Variants in CRB2 observed in about 807,000 individuals in gnomAD.
CRB2 encodes the protein protein crumbs homolog 2.
CRB2 carries 85 observed loss-of-function variants against 110.9 expected under a neutral mutation model. That is an observed-to-expected ratio of 0.77 (90% CI 0.64 to 0.92). CRB2 has a LOEUF of 0.92. Ranked by LOEUF, CRB2 falls within the 40% of genes least tolerant of loss-of-function variation. The probability of loss-of-function intolerance (pLI) is 0.00; values close to 1 mark genes in which losing one functional copy is unlikely to be tolerated. For missense variants in CRB2, 1,843 were observed against 1,851.3 expected, an observed-to-expected ratio of 1.00 and a Z score of 0.08; for synonymous variants, 907 against 831.0, an observed-to-expected ratio of 1.09 and a Z score of -1.57.
intron 1 of CRB2, among the ~76,000 whole-genome samples, chr9:123,359,497 G>A (rs1184975050): frequency 2.9e-5 from 4 of 137,684 alleles, no homozygotes; most frequent in Non-Finnish European, 6.1e-5. Context: ...TGCCCTGGCT[G>A]CAGTGCAGTG....
downstream of CRB2, among the ~76,000 whole-genome samples, chr9:123,379,453 C>T (rs1308894810): frequency 3.9e-5 from 6 of 152,334 alleles, no homozygotes; most frequent in Admixed American, 6.5e-5. Context: ...AGCCCAACCC[C>T]GTGCCTGGTC....
intron 1 of CRB2, among the ~76,000 whole-genome samples, chr9:123,356,961 A>G (rs1050609296): frequency 2.6e-5 from 4 of 151,982 alleles, no homozygotes; most frequent in Non-Finnish European, 5.9e-5. Flanking sequence ...TGGGATGTGC[A>G]CAGCCGACCC....
In CRB2 at chr9:123,373,914, G is replaced by A. The variant is rs1217996872; in HGVS notation, c.3383G>A (p.Arg1128His). ...CRCPPGFGGP[R>H]CRLPVPSKEC... ...TGCCCGCCTGGCTTCGGGGGCCCGC[G>A]CTGCAGGTGGGATGGCTGGGCAGGG... The change falls in exon 10 of 13, where the codon CGC becomes CAC. Residue 1128 changes from arginine to histidine, a missense_variant. Arg to His is a conservative substitution (Grantham distance 29). Coordinates refer to ENST00000373631, the MANE Select transcript of CRB2 (RefSeq NM_173689.7). 5 of 1,549,282 alleles carry A rather than the reference G, an allele frequency of 3.2e-6. No individual in the cohort carries two copies. The East Asian group carries it at 7.3e-5, about 23-fold the overall frequency.
At chr9:123,369,496 T>C (rs1420944811) in intron 6 of CRB2, among the ~76,000 whole-genome samples, 1 of 151,824 alleles carries the variant, frequency 6.6e-6, no homozygotes, top group African/African-American at 2.4e-5. Flanking sequence ...CTTTGCAGGA[T>C]GAGTAGGAGT....
At chr9:123,354,718 G>A (rs1281886434), upstream of CRB2, among the ~76,000 whole-genome samples, 2 of 152,212 alleles carry the variant, frequency 1.3e-5, no homozygotes, top group Non-Finnish European at 2.9e-5. Flanking sequence ...AAACCAAGGG[G>A]CAATCCCTGC....
intron 10 of CRB2, 53 bp from the exon 11 acceptor site, chr9:123,374,526 G>A: frequency 7.5e-7 from 1 of 1,337,278 alleles, no homozygotes. Flanking sequence ...CAGCGCTGGG[G>A]AGGGCAGGTC....
In CRB2 at chr9:123,373,722, C is replaced by A; in HGVS notation, c.3191C>A (p.Pro1064His). The A allele has an allele frequency of 6.4e-7, 1 of 1,563,766 alleles. No individual in the cohort carries two copies. Among genetic ancestry groups the A allele is most frequent in the East Asian group, 2.4e-5 (1 of 40,876 alleles). Residue 1064 changes from proline to histidine, a missense_variant, in exon 10 of 13, where the codon CCC becomes CAC. By Grantham distance (77) the Pro-to-His change is moderately conservative. Coordinates refer to ENST00000373631, the MANE Select transcript of CRB2 (RefSeq NM_173689.7). ...CRGAPVCAPSPCLHDGACRDL... is the reference protein window; with the variant it reads ...CRGAPVCAPSHCLHDGACRDL... ...GGCGCGCCCGTGTGTGCGCCCTCGC[C>A]CTGTCTGCACGACGGTGCCTGCCGT...
Position 123,370,398 on chromosome 9 carries a change from A to G in CRB2, c.1345A>G (p.Ile449Val). The G allele has an allele frequency of 6.2e-7, 1 of 1,613,606 alleles. No individual in the cohort carries two copies. Among genetic ancestry groups the G allele is most frequent in the South Asian group, 1.1e-5 (1 of 91,074 alleles). ...TTFSVMAGSPIQASVPAGGPL... is the reference protein window; with the variant it reads ...TTFSVMAGSPVQASVPAGGPL... The stretch of plus-strand genomic sequence containing the variant: ...CTTCTCTGTGATGGCTGGGAGCCCC[A>G]TTCAGGCATCAGTGCCAGCTGGTGG... The change falls in exon 7 of 13, where the codon ATT becomes GTT. Residue 449 changes from isoleucine (I) to valine (V), a missense_variant. Physicochemically the swap from Ile to Val is conservative, Grantham distance 29. Transcript: ENST00000373631.
chr9:123,368,965 C>T, intron 6 of CRB2: 1 of 1,215,046 alleles, frequency 8.2e-7, no homozygotes, highest in South Asian at 1.4e-5. Flanking sequence ...GAATGTGGGC[C>T]CTGGGCAGGG....
downstream of CRB2, chr9:123,378,822 T>TTG (rs2130799472): frequency 7.6e-6 from 1 of 131,610 alleles, no homozygotes; most frequent in African/African-American, 2.7e-5. Flanking sequence ...TTTTTTTTTT[T>TTG]TTTTTTTTTT....
At chr9:123,371,729 G>A in intron 8 of CRB2, 151 bp downstream of exon 8, 1 of 1,073,744 alleles carries the variant, frequency 9.3e-7, no homozygotes, top group Non-Finnish European at 1.3e-6. Context: ...ACTACAGGAG[G>A]GTGGCAGGGC....
At chr9:123,369,016 G>A in intron 6 of CRB2, 1 of 1,098,240 alleles carries the variant, frequency 9.1e-7, no homozygotes, top group East Asian at 8.9e-5. Flanking sequence ...AGGCTGTGGT[G>A]TTTGTGAGCT....
At chr9:123,371,718 C>A in intron 8 of CRB2, 140 bp downstream of exon 8, 1 of 1,179,146 alleles carries the variant, frequency 8.5e-7, no homozygotes, top group Non-Finnish European at 1.2e-6. Context: ...CCCAGGGTCC[C>A]ACTACAGGAG....
chr9:123,359,640 C>T (rs942399885), intron 1 of CRB2, among the ~76,000 whole-genome samples: 2 of 151,710 alleles, frequency 1.3e-5, no homozygotes, highest in Admixed American at 6.6e-5. Context: ...ATAGAGCCAG[C>T]GTCTCACTAT....
chr9:123,380,172 TCGAAA>T (rs1417198692), downstream of CRB2: 1 of 152,260 alleles, frequency 6.6e-6, no homozygotes, highest in Non-Finnish European at 1.5e-5. Flanking sequence ...AGAGCTCGGG[TCGAAA>T]TGCTCACAAT....
chr9:123,367,131 C>T (rs751014996), intron 4 of CRB2, 41 bp from the exon 5 acceptor site: 2 of 1,518,298 alleles, frequency 1.3e-6, no homozygotes, highest in South Asian at 2.6e-5. Flanking sequence ...TGCTGCCCGG[C>T]AACCCCGTGA....
Position 123,369,216 on chromosome 9 carries a change from G to T in CRB2, c.1055-892G>T, listed in dbSNP as rs558389485. On this transcript the variant is annotated intron_variant, in intron 6 of 12. Coordinates refer to ENST00000373631, the MANE Select transcript of CRB2 (RefSeq NM_173689.7). ...CCAGTGTGGGGGCCCTGGGGCAGAGGGACTGAGGGGTTAGAGCCTGGGAGG... is the reference window on the plus strand; with the variant it reads ...CCAGTGTGGGGGCCCTGGGGCAGAGTGACTGAGGGGTTAGAGCCTGGGAGG... 1.3e-4 allele frequency among the ~76,000 whole-genome samples: 20 copies of T among 152,326 alleles called. No individual in the cohort carries two copies. In the East Asian group the frequency reaches 3.9e-3, roughly 29 times the overall value.
intron 1 of CRB2, 25 bp downstream of exon 1, chr9:123,356,379 G>A (rs1189114332): frequency 2.0e-6 from 3 of 1,505,708 alleles, no homozygotes; most frequent in South Asian, 1.3e-5. Context: ...ATGTCTGGAG[G>A]GGCCTGGGAG....
chr9:123,371,035 G>C, intron 7 of CRB2, 35 bp from the exon 8 acceptor site: 2 of 1,599,636 alleles, frequency 1.3e-6, no homozygotes, highest in Non-Finnish European at 1.7e-6. Context: ...CCCTCAGCCT[G>C]CAGGCCTCAC....
Sources: allele counts gnomAD v4.1 joint callset (sites outside exome capture counted in the v4.1 genomes callset), GRCh38; gene constraint gnomAD v4.1.1; transcripts MANE v1.5; gene names NCBI Gene and HGNC (gene_info 2026-07-23, HGNC 2026-07-21).